Variants in IMPA1 observed in about 807,000 individuals in gnomAD.
IMPA1 encodes inositol monophosphatase 1.
IMPA1 carries 21 observed loss-of-function variants against 34.9 expected under a neutral mutation model. That is an observed-to-expected ratio of 0.60 (90% confidence interval 0.43 to 0.87). The LOEUF (loss-of-function observed/expected upper bound fraction) is 0.87, where lower values mean the gene tolerates loss of function less well. IMPA1 is among the 40% of genes least tolerant of loss of function. The pLI, the probability that IMPA1 is intolerant of heterozygous loss-of-function variation, is 0.00. For missense variants in IMPA1, 299 were observed against 336.4 expected (o/e 0.89, Z 0.87); for synonymous variants, 95 against 104.4 (o/e 0.91, Z 0.55).
rs1350338856 is a variant in IMPA1 at position 81,673,903 on chromosome 8, G to C, written c.395C>G (p.Thr132Ser). ...VYSCVEGKMY[T>S]ARKGKGAFCN... ...AAAGGCACCTTTTCCTTTTCTGGCAGTGTACATCTTGCCTTCCACACAACT... is the reference window on the plus strand; with the variant it reads ...AAAGGCACCTTTTCCTTTTCTGGCACTGTACATCTTGCCTTCCACACAACT... The change falls in exon 6 of 9, where the codon ACT becomes AGT. Residue 132 changes from threonine to serine, a missense_variant. Coordinates refer to ENST00000256108, the MANE Select transcript of IMPA1 (RefSeq NM_005536.4). 1.2e-6 allele frequency: 2 copies of C among 1,613,316 alleles called. No individual in the cohort carries two copies. The highest frequency in any genetic ancestry group is 1.3e-5 in the African/African-American group (1 of 75,020).
At chr8:81,680,489 T>C (rs1381347868) in intron 3 of IMPA1, among the ~76,000 whole-genome samples, 161 bp downstream of exon 3, 1 of 152,238 alleles carries the variant, frequency 6.6e-6, no homozygotes, top group Admixed American at 6.5e-5. Flanking sequence ...GATCCTTCAG[T>C]TCCAGTCCAA....
intron 8 of IMPA1, among the ~76,000 whole-genome samples, chr8:81,660,233 G>A (rs1029088672): frequency 2.6e-5 from 4 of 152,202 alleles, no homozygotes; most frequent in African/African-American, 7.2e-5. Context: ...ATGGACTGCA[G>A]GTTGGACAAA....
At chr8:81,668,394 G>C (rs1370330455) in intron 7 of IMPA1, among the ~76,000 whole-genome samples, 1 of 152,134 alleles carries the variant, frequency 6.6e-6, no homozygotes, top group Admixed American at 6.6e-5. Context: ...AGATCAGCCT[G>C]GGCTGCACGG....
chr8:81,686,105 G>C (rs1034040739), intron 1 of IMPA1, 147 bp downstream of exon 1: 1 of 841,626 alleles, frequency 1.2e-6, no homozygotes, highest in African/African-American at 1.8e-5. Flanking sequence ...TAACGCAGCA[G>C]GCAGGGGTCA....
chr8:81,659,154 AT>A lies in IMPA1; in HGVS notation c.*196del. The A allele has an allele frequency of 1.7e-6, 1 of 572,902 alleles. No individual in the cohort carries two copies. The highest frequency in any genetic ancestry group is 3.1e-6 in the Non-Finnish European group (1 of 325,300). The allele number at this position is 572,902 out of a possible 1,614,324, so 35.5% of individuals were successfully genotyped here. ...CCTAAAGTACATTCTTACATGCAAA[AT>A]TTTTTAAATCAGTGAAACAAACATT... On this transcript the variant is annotated 3_prime_UTR_variant, in exon 9 of 9. Coordinates refer to ENST00000256108, the MANE Select transcript of IMPA1 (RefSeq NM_005536.4).
chr8:81,685,767 A>G, intron 1 of IMPA1: 1 of 1,516,558 alleles, frequency 6.6e-7, no homozygotes, highest in East Asian at 2.6e-5. Context: ...ACTCACTTTC[A>G]TTTTCCCAAA....
chr8:81,666,892 AAAAAGC>A (rs1490163439), intron 7 of IMPA1, among the ~76,000 whole-genome samples: 25 of 150,920 alleles, frequency 1.7e-4, no homozygotes, highest in Admixed American at 5.3e-4. Flanking sequence ...AAAAAAAAAA[AAAAAGC>A]AGGAATTGCA....
At position 81,681,532 on chromosome 8, in the gene IMPA1, T is replaced by C; in HGVS notation, c.29A>G (p.Asp10Gly). 2 of 1,608,014 alleles carry C rather than the reference T, an allele frequency of 1.2e-6. No homozygotes were observed. Among genetic ancestry groups the C allele is most frequent in the Non-Finnish European group, 8.5e-7 (1 of 1,175,056 alleles). Reference protein sequence around the residue: MADPWQECMDYAVTLARQAG... With the variant: MADPWQECMGYAVTLARQAG... ...TTGTCTTGCTAGAGTTACTGCATAA[T>C]CCATGCATTCCTGCCAAGGATCAGC... The change falls in exon 2 of 9, where the codon GAT becomes GGT. Residue 10 changes from aspartate to glycine, a missense_variant. Asp to Gly is a moderately conservative substitution (Grantham distance 94). Transcript: ENST00000256108.
intron 4 of IMPA1, among the ~76,000 whole-genome samples, chr8:81,677,729 C>T (rs1251806586): frequency 1.3e-5 from 2 of 152,200 alleles, no homozygotes; most frequent in African/African-American, 2.4e-5. Flanking sequence ...ACTGTCTTCT[C>T]TTCTGTGAAA....
chr8:81,665,284 A>T (rs1585890544), intron 7 of IMPA1, among the ~76,000 whole-genome samples: 1 of 152,322 alleles, frequency 6.6e-6, no homozygotes, highest in South Asian at 2.1e-4. Context: ...ATAGAAACTA[A>T]GAGCACAAAT....
intron 1 of IMPA1, among the ~76,000 whole-genome samples, chr8:81,683,893 A>G (rs1807377885): frequency 6.6e-6 from 1 of 152,168 alleles, no homozygotes; most frequent in South Asian, 2.1e-4. Context: ...AGGACTGTCC[A>G]TTCGGATTCA....
intron 1 of IMPA1, chr8:81,686,037 T>C: frequency 3.2e-6 from 4 of 1,242,544 alleles, no homozygotes; most frequent in Admixed American, 6.3e-5. Flanking sequence ...TGAGGTCGCG[T>C]GAGCGAACCG....
rs149542452 is a variant in IMPA1 at position 81,681,343 on chromosome 8, G to A, written c.63+155C>T. On this transcript the variant is annotated intron_variant, in intron 2 of 8. Coordinates refer to ENST00000256108, the MANE Select transcript of IMPA1 (RefSeq NM_005536.4). The stretch of plus-strand genomic sequence containing the variant: ...CAGCCTGGGAAGTTGAGGCTGGAGT[G>A]AGCCATGTTCCTGCCACTACATTCC... 6.6e-5 allele frequency among the ~76,000 whole-genome samples: 10 copies of A among 152,262 alleles called. No individual in the cohort carries two copies. In the East Asian group the frequency reaches 1.9e-3, roughly 29 times the overall value.
chr8:81,664,337 C>T (rs1051255114), intron 7 of IMPA1, among the ~76,000 whole-genome samples: 2 of 152,066 alleles, frequency 1.3e-5, no homozygotes, highest in African/African-American at 4.8e-5. Flanking sequence ...TCAGGAAATG[C>T]AAACTCTCAA....
Position 81,660,549 on chromosome 8 carries a change from T to A in IMPA1, c.685A>T (p.Thr229Ser), listed in dbSNP as rs775477038. The change falls in exon 8 of 9, where the codon ACT becomes TCT. Residue 229 changes from threonine to serine, a missense_variant. By Grantham distance (58) the Thr-to-Ser change is moderately conservative (BLOSUM62 1). Coordinates refer to ENST00000256108, the MANE Select transcript of IMPA1 (RefSeq NM_005536.4). ...WDVAGAGIIV[T>S]EAGGVLMDVT... Reference sequence around the variant, plus strand: ...TCCATTAGCACGCCACCAGCTTCAGTAACAATAATGCCAGCTCCTGCAACA... The same window carrying A: ...TCCATTAGCACGCCACCAGCTTCAGAAACAATAATGCCAGCTCCTGCAACA... The A allele has an allele frequency of 1.5e-5, 24 of 1,613,728 alleles. No individual in the cohort carries two copies. The East Asian group carries it at 4.9e-4, about 33-fold the overall frequency.
chr8:81,680,816 G>A (rs974807282), intron 2 of IMPA1, 33 bp from the exon 3 acceptor site: 2 of 1,487,536 alleles, frequency 1.3e-6, no homozygotes, highest in Non-Finnish European at 9.2e-7. Context: ...AAATAGAAAA[G>A]GCATAATTTT....
At chr8:81,686,013 C>A (rs984959107) in intron 1 of IMPA1, 23 of 1,385,126 alleles carry the variant, frequency 1.7e-5, no homozygotes, top group Non-Finnish European at 2.2e-5. Flanking sequence ...ACAGAAGCCG[C>A]CACAGAGGTT....
intron 4 of IMPA1, among the ~76,000 whole-genome samples, chr8:81,677,676 T>C (rs1272478518): frequency 1.3e-5 from 2 of 152,236 alleles, no homozygotes; most frequent in Non-Finnish European, 2.9e-5. Flanking sequence ...TGTAAGAAAG[T>C]TTTTATTTTA....
intron 1 of IMPA1, among the ~76,000 whole-genome samples, chr8:81,684,612 A>AG (rs1398485961): frequency 1.5e-4 from 8 of 53,240 alleles, no homozygotes; most frequent in African/African-American, 4.7e-4. Flanking sequence ...TATATCTAGT[A>AG]TATATATACT....
Sources: allele counts gnomAD v4.1 joint callset (sites outside exome capture counted in the v4.1 genomes callset), GRCh38; gene constraint gnomAD v4.1.1; transcripts MANE v1.5; gene names NCBI Gene and HGNC (gene_info 2026-07-23, HGNC 2026-07-21).